Variants in CNTN6 observed in about 807,000 individuals in gnomAD.
The protein encoded by CNTN6 is contactin-6.
CNTN6 carries 137 observed loss-of-function variants against 122.8 expected under a neutral mutation model. The observed-to-expected ratio is 1.12, with a 90% CI of 0.97 to 1.29. CNTN6 has a LOEUF of 1.29. Among genes scored for constraint, CNTN6 ranks in the 50% most tolerant of loss-of-function variants. CNTN6 has a pLI of 0.00. For missense variants in CNTN6, 1,634 were observed against 1,223.4 expected, an observed-to-expected ratio of 1.34 and a Z score of -5.01; for synonymous variants, 570 against 426.0, an observed-to-expected ratio of 1.34 and a Z score of -4.16.
chr3:1,105,590 A>G (rs77701900), intron 1 of CNTN6, among the ~76,000 whole-genome samples: 2,992 of 152,280 alleles, frequency 0.02, 108 homozygotes, highest in African/African-American at 0.069. Flanking sequence ...TCAGATAAAA[A>G]CTGAAATAGT....
In CNTN6 at chr3:1,258,581, T is replaced by TG. The variant is rs772100909; in HGVS notation, c.359-19828dup. ...TTGGAATACCTTTAATAAAAAAGCG[T>TG]GGGGTGAAGCAGCTTAGTCTTTCAA... On this transcript the variant is annotated intron_variant, in intron 4 of 22. Transcript: ENST00000446702. Among the ~76,000 whole-genome samples, 10 of 152,148 alleles carry TG rather than the reference T, an allele frequency of 6.6e-5. No individual in the cohort carries two copies. In the East Asian group the frequency reaches 1.5e-3, roughly 23 times the overall value.
At chr3:1,159,570 T>C (rs900683487) in intron 2 of CNTN6, among the ~76,000 whole-genome samples, 2 of 152,046 alleles carry the variant, frequency 1.3e-5, no homozygotes, top group African/African-American at 4.8e-5. Context: ...CTATTATATA[T>C]AGAATTTTTT....
intron 1 of CNTN6, among the ~76,000 whole-genome samples, chr3:1,122,319 G>T (rs1010491444): frequency 3.8e-4 from 56 of 149,146 alleles, no homozygotes; most frequent in Non-Finnish European, 8.9e-5. Context: ...GGAAAAAAAG[G>T]AAAGAAAGAA....
At chr3:1,205,894 C>CA (rs1378636774) in intron 2 of CNTN6, among the ~76,000 whole-genome samples, 1 of 152,058 alleles carries the variant, frequency 6.6e-6, no homozygotes, top group Non-Finnish European at 1.5e-5. Context: ...AGCAAACAAG[C>CA]AAAAAGTTTG....
At chr3:1,245,545 G>A (rs1421689807) in intron 4 of CNTN6, among the ~76,000 whole-genome samples, 2 of 149,738 alleles carry the variant, frequency 1.3e-5, no homozygotes, top group Non-Finnish European at 3.0e-5. Flanking sequence ...GAAAGGGTGG[G>A]GGTTGGTGAG....
At chr3:1,289,485 G>A (rs1229578304) in intron 5 of CNTN6, among the ~76,000 whole-genome samples, 1 of 152,046 alleles carries the variant, frequency 6.6e-6, no homozygotes, top group Admixed American at 6.5e-5. Flanking sequence ...GGCAAGTCTC[G>A]CAAATCCTTG....
chr3:1,304,887 A>G (rs550577873), intron 7 of CNTN6, among the ~76,000 whole-genome samples: 78 of 148,534 alleles, frequency 5.3e-4, no homozygotes, highest in African/African-American at 1.8e-3. Context: ...CCAGCTCGGG[A>G]GGCTGAGGCA....
intron 5 of CNTN6, among the ~76,000 whole-genome samples, chr3:1,287,321 A>G (rs1694520619): frequency 6.6e-6 from 1 of 152,178 alleles, no homozygotes; most frequent in African/African-American, 2.4e-5. Context: ...TGCCAATCGC[A>G]CTGCCTCCTC....
At chr3:1,241,866 A>C (rs1219303770) in intron 4 of CNTN6, among the ~76,000 whole-genome samples, 1 of 152,232 alleles carries the variant, frequency 6.6e-6, no homozygotes, top group Non-Finnish European at 1.5e-5. Context: ...AGGCCTCTAA[A>C]AGTATTAAAG....
chr3:1,298,194 G>A (rs1391370151), intron 7 of CNTN6: 1 of 503,228 alleles, frequency 2.0e-6, no homozygotes, highest in African/African-American at 1.9e-5. Flanking sequence ...AAAATGATCA[G>A]GGCTGCAATT....
intron 2 of CNTN6, among the ~76,000 whole-genome samples, chr3:1,202,709 G>A (rs2093902738): frequency 1.3e-5 from 2 of 152,052 alleles, no homozygotes; most frequent in Non-Finnish European, 2.9e-5. Flanking sequence ...AACCTTGAAG[G>A]AATAAACAGT....
chr3:1,295,927 C>G lies in CNTN6; in HGVS notation c.658+123C>G, dbSNP rs1335150356. The G allele has an allele frequency of 3.9e-6, 3 of 765,350 alleles. No individual in the cohort carries two copies. In the East Asian group the frequency reaches 8.0e-5, roughly 20 times the overall value. The allele number at this position is 765,350 out of a possible 1,614,324, so 47.4% of individuals were successfully genotyped here. ...CCAAATTACGAGTTTAGGTTCAATT[C>G]ACAAATATGTAAACCAGAAATATAA... On this transcript the variant is annotated intron_variant, in intron 6 of 22. Transcript: ENST00000446702.
At chr3:1,341,573 C>A (rs767609524) in intron 11 of CNTN6, among the ~76,000 whole-genome samples, 2 of 152,162 alleles carry the variant, frequency 1.3e-5, no homozygotes, top group East Asian at 3.8e-4. Flanking sequence ...CAAATAATTA[C>A]GCTATTTAGC....
chr3:1,194,810 T>C (rs1295446253), intron 2 of CNTN6, among the ~76,000 whole-genome samples: 1 of 152,144 alleles, frequency 6.6e-6, no homozygotes, highest in Non-Finnish European at 1.5e-5. Flanking sequence ...AACATGTATC[T>C]TATTCCTTTT....
chr3:1,347,561 C>T (rs1003154694), intron 11 of CNTN6, among the ~76,000 whole-genome samples: 4 of 152,026 alleles, frequency 2.6e-5, no homozygotes, highest in African/African-American at 9.7e-5. Context: ...GTTAAAGCCA[C>T]ATAACATGCT....
intron 2 of CNTN6, among the ~76,000 whole-genome samples, chr3:1,182,840 CAATTT>C (rs1559471075): frequency 1.3e-5 from 2 of 151,956 alleles, no homozygotes; most frequent in Admixed American, 1.3e-4. Flanking sequence ...GTTGCATGAA[CAATTT>C]AATTTCTTTT....
intron 8 of CNTN6, among the ~76,000 whole-genome samples, chr3:1,325,009 G>C (rs1429703936): frequency 6.6e-6 from 1 of 151,792 alleles, no homozygotes; most frequent in Non-Finnish European, 1.5e-5. Context: ...ACTAAATAAA[G>C]GAGAGGGATT....
chr3:1,323,187 A>G (rs184385953), intron 8 of CNTN6, among the ~76,000 whole-genome samples: 47 of 151,894 alleles, frequency 3.1e-4, no homozygotes, highest in African/African-American at 9.9e-4. Context: ...AATCTTAAGA[A>G]GTAGAAATCT....
chr3:1,385,579 A>T, intron 19 of CNTN6, 32 bp from the exon 20 acceptor site: 1 of 1,544,484 alleles, frequency 6.5e-7, no homozygotes, highest in South Asian at 1.2e-5. Flanking sequence ...TTGGGGAACA[A>T]TAAATTGCTT....
Sources: allele counts gnomAD v4.1 joint callset (sites outside exome capture counted in the v4.1 genomes callset), GRCh38; gene constraint gnomAD v4.1.1; transcripts MANE v1.5; gene names NCBI Gene and HGNC (gene_info 2026-07-23, HGNC 2026-07-21).